Variants in EIF2AK2 observed in about 807,000 individuals in gnomAD.
EIF2AK2 encodes the protein interferon-induced, double-stranded RNA-activated protein kinase.
A neutral mutation model predicts 70.5 loss-of-function variants in EIF2AK2; 40 were observed. The observed-to-expected ratio is 0.57, with a 90% CI of 0.44 to 0.74. The LOEUF is 0.74. Ranked by LOEUF, EIF2AK2 falls within the 30% of genes least tolerant of loss-of-function variation. The pLI is 0.00. For synonymous variants in EIF2AK2, 198 were observed against 220.9 expected (o/e 0.90, Z 0.92); for missense variants, 555 against 644.3 (o/e 0.86, Z 1.50).
intron 10 of EIF2AK2, among the ~76,000 whole-genome samples, chr2:37,134,760 T>A (rs1029975872): frequency 4.6e-5 from 7 of 152,062 alleles, no homozygotes; most frequent in Non-Finnish European, 7.3e-5. Context: ...AAAGGCTTAT[T>A]TTTTGTGTGA....
chr2:37,143,776 T>G (rs918490967), intron 4 of EIF2AK2, among the ~76,000 whole-genome samples: 1 of 151,820 alleles, frequency 6.6e-6, no homozygotes, highest in Admixed American at 6.6e-5. Context: ...CCCAGCCAGT[T>G]GGGATGCTAA....
chr2:37,111,004 A>G (rs1674123709), intron 14 of EIF2AK2, among the ~76,000 whole-genome samples: 1 of 152,370 alleles, frequency 6.6e-6, no homozygotes, highest in South Asian at 2.1e-4. Context: ...ATGTTACAAC[A>G]TGGATATATC....
chr2:37,134,624 C>T (rs761470316), intron 10 of EIF2AK2, among the ~76,000 whole-genome samples: 1 of 152,184 alleles, frequency 6.6e-6, no homozygotes, highest in African/African-American at 2.4e-5. Context: ...CTTCCTATAT[C>T]GCTACTATAG....
intron 13 of EIF2AK2, among the ~76,000 whole-genome samples, chr2:37,116,239 A>T (rs1674337679): frequency 6.6e-6 from 1 of 151,808 alleles, no homozygotes; most frequent in Admixed American, 6.6e-5. Context: ...TTTGTTTTTG[A>T]GACAGTGTCT....
At chr2:37,133,022 T>G (rs1482791067) in intron 10 of EIF2AK2, among the ~76,000 whole-genome samples, 1 of 152,188 alleles carries the variant, frequency 6.6e-6, no homozygotes. Flanking sequence ...ATAATGGTCC[T>G]GAATTCATTT....
At chr2:37,133,798 G>A (rs1675031210) in intron 10 of EIF2AK2, among the ~76,000 whole-genome samples, 1 of 152,176 alleles carries the variant, frequency 6.6e-6, no homozygotes, top group Non-Finnish European at 1.5e-5. Context: ...GTATCCTTAT[G>A]AAACTCTCAT....
chr2:37,112,398 A>G (rs547350726), intron 14 of EIF2AK2, among the ~76,000 whole-genome samples: 14 of 152,334 alleles, frequency 9.2e-5, no homozygotes, highest in African/African-American at 3.4e-4. Flanking sequence ...GAGAGAAAAT[A>G]CCAATTTTGG....
At position 37,147,823 on chromosome 2, in the gene EIF2AK2, C is replaced by T. The variant is rs774778969; in HGVS notation, c.-16-1G>A. 8.3e-6 allele frequency: 13 copies of T among 1,570,844 alleles called. No individual in the cohort carries two copies. Among genetic ancestry groups the T allele is most frequent in the Middle Eastern group, 3.3e-4 (2 of 6,002 alleles). On this transcript the variant is annotated splice_acceptor_variant, in intron 2 of 16. Transcript: ENST00000233057. LOFTEE classifies it low-confidence loss of function (5UTR_SPLICE). ...ACCAGCCATTTCTTCTTCCCGTATC[C>T]TACAATGGAAGAGACATTTGAATGA...
Position 37,132,538 on chromosome 2 carries a change from G to A in EIF2AK2, c.785+2946C>T, listed in dbSNP as rs113214245. On this transcript the variant is annotated intron_variant, in intron 10 of 16. Transcript: ENST00000233057. Reference sequence around the variant, plus strand: ...CCAGAGGCAGAGATTGCAGTGAGCTGAGATCGTGCCACTGCACTCCAGCCT... The same window carrying A: ...CCAGAGGCAGAGATTGCAGTGAGCTAAGATCGTGCCACTGCACTCCAGCCT... 7.5e-3 allele frequency among the ~76,000 whole-genome samples: 1,140 copies of A among 152,256 alleles called. 8 individuals are homozygous for A. Among genetic ancestry groups the A allele is most frequent in the Non-Finnish European group, 0.013 (869 of 68,012 alleles).
chr2:37,140,245 C>T (rs1276138373), intron 5 of EIF2AK2, among the ~76,000 whole-genome samples: 2 of 151,614 alleles, frequency 1.3e-5, no homozygotes, highest in East Asian at 1.9e-4. Context: ...CTGCCATCTG[C>T]TCATGTGCAC....
intron 1 of EIF2AK2, among the ~76,000 whole-genome samples, chr2:37,155,605 G>C (rs565191034): frequency 1.3e-5 from 2 of 152,190 alleles, no homozygotes; most frequent in Admixed American, 6.5e-5. Flanking sequence ...TGAGCTCTTT[G>C]GGGAGCAGAT....
Position 37,101,129 on chromosome 2 carries a change from A to G in EIF2AK2, c.*6144T>C, listed in dbSNP as rs558524935. 1.3e-5 allele frequency: 2 copies of G among 152,324 alleles called. No homozygotes were observed. Among genetic ancestry groups the G allele is most frequent in the African/African-American group, 4.8e-5 (2 of 41,580 alleles). 9.4% of individuals were successfully genotyped at this position (152,324 alleles called of 1,614,324 possible). A position where few individuals can be genotyped will look rare whatever the true frequency, so the allele number is the denominator to read the frequency against. On this transcript the variant is annotated 3_prime_UTR_variant, in exon 17 of 17. Coordinates refer to ENST00000233057, the MANE Select transcript of EIF2AK2 (RefSeq NM_001135651.3). ...TCTTTCCACTTCTGACCTTTCAAAT[A>G]TAGTTTCCTCCTGCTCTATTCTAAA... is the stretch of plus-strand genomic sequence containing the variant.
At chr2:37,145,770 TTTTTTTTTTTTG>T (rs1164265914) in intron 4 of EIF2AK2, among the ~76,000 whole-genome samples, 137 of 63,522 alleles carry the variant, frequency 2.2e-3, no homozygotes, top group Middle Eastern at 0.018. Context: ...TTTTTTTTTT[TTTTTTTTTTTTG>T]AGATAGGATC....
At chr2:37,135,811 T>A (rs1164638681) in intron 9 of EIF2AK2, among the ~76,000 whole-genome samples, 1 of 152,158 alleles carries the variant, frequency 6.6e-6, no homozygotes, top group Non-Finnish European at 1.5e-5. Context: ...TTTTTATTTT[T>A]AGTAGAGACA....
At chr2:37,140,038 ATT>A (rs5830457) in intron 5 of EIF2AK2, among the ~76,000 whole-genome samples, 77 of 150,602 alleles carry the variant, frequency 5.1e-4, no homozygotes, top group South Asian at 1.0e-3. Flanking sequence ...CTAAGTGGTG[ATT>A]TTTTTTTTTT....
rs374591026 is a variant in EIF2AK2, at chr2:37,109,232, G to T, written c.1441C>A (p.Leu481Ile). ...LYALGLILAELLHVCDTAFET... is the reference protein window; with the variant it reads ...LYALGLILAEILHVCDTAFET... ...AAAGCAGTGTCACATACATGAAGAAGTTCAGCAAGAATTAGCCCCAAAGCG... is the reference window on the plus strand; with the variant it reads ...AAAGCAGTGTCACATACATGAAGAATTTCAGCAAGAATTAGCCCCAAAGCG... The change falls in exon 15 of 17, where the codon CTT becomes ATT. Residue 481 changes from leucine (L) to isoleucine (I), a missense_variant. By Grantham distance (5) the Leu-to-Ile change is conservative (BLOSUM62 2). Coordinates refer to ENST00000233057, the MANE Select transcript of EIF2AK2 (RefSeq NM_001135651.3). The T allele has an allele frequency of 1.9e-6, 3 of 1,614,154 alleles. No individual in the cohort carries two copies. Among genetic ancestry groups the T allele is most frequent in the Non-Finnish European group, 2.5e-6 (3 of 1,180,020 alleles).
At chr2:37,129,089 G>A (rs768650245) in intron 10 of EIF2AK2, among the ~76,000 whole-genome samples, 9 of 151,884 alleles carry the variant, frequency 5.9e-5, no homozygotes, top group Admixed American at 2.0e-4. Flanking sequence ...AAAATTAGAG[G>A]AGGGCCCCCA....
chr2:37,110,823 G>A (rs929904014), intron 14 of EIF2AK2, among the ~76,000 whole-genome samples: 5 of 152,058 alleles, frequency 3.3e-5, no homozygotes, highest in African/African-American at 1.2e-4. Context: ...CTATATATGA[G>A]ACAAATATTT....
chr2:37,106,363 C>A lies in EIF2AK2; in HGVS notation c.*910G>T, dbSNP rs1033486685. 2 of 152,014 alleles carry A rather than the reference C, an allele frequency of 1.3e-5. No individual in the cohort carries two copies. The highest frequency in any genetic ancestry group is 4.8e-5 in the African/African-American group (2 of 41,346). 9.4% of individuals were successfully genotyped at this position (152,014 alleles called of 1,614,324 possible). ...ATTGTTTTCAATACTATATAGTACT[C>A]CTGTGTGTGAATATAATTTTTTTAA... On this transcript the variant is annotated 3_prime_UTR_variant, in exon 17 of 17. Transcript: ENST00000233057.
Sources: gnomAD v4.1 joint callset for allele counts (sites outside exome capture counted in the v4.1 genomes callset) on GRCh38, gnomAD v4.1.1 for gene constraint, MANE v1.5 for transcripts, NCBI Gene and HGNC (gene_info 2026-07-23, HGNC 2026-07-21) for gene names.